RUNX2: variants seen among roughly 807,000 people sequenced by gnomAD.
The protein encoded by RUNX2 is RUNX family transcription factor 2, also known as runt-related transcription factor 2.
Under a neutral mutation model 51.7 loss-of-function variants are expected in RUNX2, and 10 were observed. The observed-to-expected ratio is 0.19, with a 90% CI of 0.12 to 0.33. RUNX2 has a LOEUF of 0.33. Ranked by LOEUF, RUNX2 falls within the 10% of genes least tolerant of loss-of-function variation. RUNX2 has a pLI of 1.00. For missense variants in RUNX2, 562 were observed against 691.3 expected (o/e 0.81, Z 2.10); for synonymous variants, 276 against 273.6 (o/e 1.01, Z -0.09).
chr6:45,482,099 G>A (rs974813050), intron 5 of RUNX2, among the ~76,000 whole-genome samples: 8 of 152,246 alleles, frequency 5.3e-5, no homozygotes, highest in Non-Finnish European at 8.8e-5. Flanking sequence ...GAGCTACGGC[G>A]AAGTTAGCCG....
intron 3 of RUNX2, among the ~76,000 whole-genome samples, chr6:45,430,921 T>G (rs1315239588): frequency 2.0e-5 from 3 of 152,140 alleles, no homozygotes; most frequent in African/African-American, 4.8e-5. Flanking sequence ...GGAGGAGTGT[T>G]TCATATATGA....
chr6:45,334,643 T>C (rs1433409996), intron 2 of RUNX2, among the ~76,000 whole-genome samples: 1 of 151,182 alleles, frequency 6.6e-6, no homozygotes, highest in South Asian at 2.1e-4. Flanking sequence ...TATGTTCAAC[T>C]TAAATTTCTT....
intron 2 of RUNX2, among the ~76,000 whole-genome samples, chr6:45,364,675 T>C (rs1794831307): frequency 6.6e-6 from 1 of 152,198 alleles, no homozygotes; most frequent in Non-Finnish European, 1.5e-5. Context: ...CTCTGCAATT[T>C]CCCAAAGATT....
intron 5 of RUNX2, among the ~76,000 whole-genome samples, chr6:45,442,514 A>C (rs1798870413): frequency 6.6e-6 from 1 of 152,226 alleles, no homozygotes; most frequent in Non-Finnish European, 1.5e-5. Flanking sequence ...GGTTAGCAAC[A>C]TCATATTCTA....
At chr6:45,511,047 A>C (rs1233536508) in intron 6 of RUNX2, among the ~76,000 whole-genome samples, 1 of 152,222 alleles carries the variant, frequency 6.6e-6, no homozygotes, top group Non-Finnish European at 1.5e-5. Context: ...GAATTTTAAA[A>C]ATTAACATAA....
chr6:45,458,301 A>G lies in RUNX2; in HGVS notation c.685+20250A>G, dbSNP rs147730849. 4.9e-3 allele frequency among the ~76,000 whole-genome samples: 746 copies of G among 152,332 alleles called. 6 individuals are homozygous for G. Among genetic ancestry groups the G allele is most frequent in the Middle Eastern group, 0.014 (4 of 294 alleles). The stretch of plus-strand genomic sequence containing the variant: ...CTCAGCCTCCCAAAGTGCTGGGATT[A>G]CAGGCATGAGCCACCGTGCCCGGCT... On this transcript the variant is annotated intron_variant, in intron 5 of 8. Coordinates refer to ENST00000647337, the MANE Select transcript of RUNX2 (RefSeq NM_001024630.4).
intron 2 of RUNX2, among the ~76,000 whole-genome samples, chr6:45,382,357 A>G (rs944056501): frequency 3.3e-5 from 5 of 152,262 alleles, no homozygotes; most frequent in African/African-American, 1.2e-4. Flanking sequence ...TTAGAAGGTC[A>G]TGAGTGTTAT....
At chr6:45,448,545 A>G (rs1799068197) in intron 5 of RUNX2, among the ~76,000 whole-genome samples, 1 of 151,994 alleles carries the variant, frequency 6.6e-6, no homozygotes, top group Non-Finnish European at 1.5e-5. Flanking sequence ...GGATGGGGTG[A>G]CTCCAGTGCT....
intron 2 of RUNX2, 61 bp from the exon 3 acceptor site, chr6:45,422,532 C>T: frequency 6.8e-7 from 1 of 1,470,726 alleles, no homozygotes; most frequent in Non-Finnish European, 9.2e-7. Context: ...CATTTCCACC[C>T]TCCTCCCCCT....
At chr6:45,380,483 T>TA (rs1797213372) in intron 2 of RUNX2, among the ~76,000 whole-genome samples, 1 of 152,244 alleles carries the variant, frequency 6.6e-6, no homozygotes, top group Non-Finnish European at 1.5e-5. Context: ...ATGGGCATCT[T>TA]AAAATGATTA....
intron 2 of RUNX2, among the ~76,000 whole-genome samples, chr6:45,415,156 C>T (rs1172574639): frequency 6.6e-6 from 1 of 152,082 alleles, no homozygotes; most frequent in Non-Finnish European, 1.5e-5. Context: ...CTTAGCATAT[C>T]AGTCTAAGTC....
At chr6:45,544,775 C>A (rs1332296166) in intron 7 of RUNX2, among the ~76,000 whole-genome samples, 2 of 152,192 alleles carry the variant, frequency 1.3e-5, no homozygotes, top group Non-Finnish European at 1.5e-5. Context: ...TCTGTGGCCT[C>A]CATTTGGCCT....
chr6:45,386,986 C>T (rs1797361730), intron 2 of RUNX2, among the ~76,000 whole-genome samples: 1 of 152,000 alleles, frequency 6.6e-6, no homozygotes, highest in African/African-American at 2.4e-5. Flanking sequence ...GGGTGAAAAA[C>T]TGGAAGGAGC....
chr6:45,354,512 T>C (rs997394910), intron 2 of RUNX2, among the ~76,000 whole-genome samples: 6 of 151,862 alleles, frequency 4.0e-5, no homozygotes, highest in African/African-American at 1.5e-4. Context: ...TCATTACTTC[T>C]ACTGCCGCTG....
chr6:45,437,904 T>C, intron 4 of RUNX2, 43 bp from the exon 5 acceptor site: 2 of 1,395,834 alleles, frequency 1.4e-6, no homozygotes, highest in East Asian at 2.3e-5. Flanking sequence ...ATCAACACTG[T>C]TTTTTAATAT....
Position 45,547,719 on chromosome 6 carries a change from C to A in RUNX2, c.*414C>A. On this transcript the variant is annotated 3_prime_UTR_variant, in exon 9 of 9. Transcript: ENST00000647337. Reference sequence around the variant, plus strand: ...TGTGCTTTGAAACTTCACACCCTCACGGTGGCAGCTGTGTATGGACCAGTG... The same window carrying A: ...TGTGCTTTGAAACTTCACACCCTCAAGGTGGCAGCTGTGTATGGACCAGTG... 3.4e-6 allele frequency: 1 copy of A among 296,282 alleles called. No individual in the cohort carries two copies. 18.4% of individuals were successfully genotyped at this position (296,282 alleles called of 1,614,324 possible).
intron 2 of RUNX2, among the ~76,000 whole-genome samples, chr6:45,336,119 T>C (rs1788495483): frequency 6.6e-6 from 1 of 151,364 alleles, no homozygotes; most frequent in Non-Finnish European, 1.5e-5. Flanking sequence ...AATTCTTCTA[T>C]TCTCCCAGTT....
rs78240733 is a variant in RUNX2 at position 45,519,445 on chromosome 6, A to G, written c.1021+7038A>G. Among the ~76,000 whole-genome samples the G allele has an allele frequency of 4.6e-3, 702 of 152,224 alleles. 2 individuals are homozygous for G. Among genetic ancestry groups the G allele is most frequent in the Middle Eastern group, 0.01 (3 of 294 alleles). On this transcript the variant is annotated intron_variant, in intron 7 of 8. Coordinates refer to ENST00000647337, the MANE Select transcript of RUNX2 (RefSeq NM_001024630.4). ...CTCACTCTTTGTGTTGTGCAGTTCTATGGGTTTTATCATAATGCCATGTGT... is the reference window on the plus strand; with the variant it reads ...CTCACTCTTTGTGTTGTGCAGTTCTGTGGGTTTTATCATAATGCCATGTGT...
intron 2 of RUNX2, among the ~76,000 whole-genome samples, chr6:45,352,731 G>T (rs947928417): frequency 6.6e-6 from 1 of 151,424 alleles, no homozygotes; most frequent in East Asian, 2.0e-4. Flanking sequence ...CTTTAAAATA[G>T]AACCATTTGA....
Sources: gnomAD v4.1 joint callset for allele counts (sites outside exome capture counted in the v4.1 genomes callset) on GRCh38, gnomAD v4.1.1 for gene constraint, MANE v1.5 for transcripts, NCBI Gene and HGNC (gene_info 2026-07-23, HGNC 2026-07-21) for gene names.